DLGAP2: variants seen among roughly 807,000 people sequenced by gnomAD.
The protein encoded by DLGAP2 is DLG associated protein 2.
In DLGAP2, 26 loss-of-function variants were observed where a neutral mutation model predicts 100.3. The observed-to-expected ratio is 0.26, with a 90% confidence interval of 0.19 to 0.36. The LOEUF is 0.36. DLGAP2 is among the 10% of genes least tolerant of loss of function. DLGAP2 has a pLI of 1.00. For missense variants in DLGAP2, 1,858 were observed against 1,453.2 expected, an observed-to-expected ratio of 1.28 and a Z score of -4.53; for synonymous variants, 886 against 630.1, an observed-to-expected ratio of 1.41 and a Z score of -6.08.
Position 1,686,641 on chromosome 8 carries a change from T to C in DLGAP2, c.2705-4894T>C, listed in dbSNP as rs575159518. Among the ~76,000 whole-genome samples, 16 of 151,274 alleles carry C rather than the reference T, an allele frequency of 1.1e-4. No homozygotes were observed. In the East Asian group the frequency reaches 3.1e-3, roughly 30 times the overall value. On this transcript the variant is annotated intron_variant, in intron 12 of 14. Transcript: ENST00000637795. ...GTGAACCAAGATCACGCCACTGCAC[T>C]CCAGCCTGGGCAACAAGAGGGAGAC... is the stretch of plus-strand genomic sequence containing the variant.
intron 3 of DLGAP2, among the ~76,000 whole-genome samples, chr8:1,320,609 A>G (rs1027357568): frequency 6.6e-6 from 1 of 152,142 alleles, no homozygotes; most frequent in Non-Finnish European, 1.5e-5. Context: ...CTTCTCGAAC[A>G]TATTCTAAGT....
chr8:1,447,950 T>A (rs1563155287), intron 3 of DLGAP2, among the ~76,000 whole-genome samples: 1 of 152,242 alleles, frequency 6.6e-6, no homozygotes, highest in African/African-American at 2.4e-5. Context: ...TATCTTTTTT[T>A]ATTGCATCTA....
chr8:1,078,227 C>G (rs2123054), intron 2 of DLGAP2, among the ~76,000 whole-genome samples: 44,073 of 152,072 alleles, frequency 0.29, 6,878 homozygotes, highest in Admixed American at 0.35. Context: ...AGAACAGTGG[C>G]TTGCACTGTT....
At chr8:989,532 C>G (rs993295509) in intron 2 of DLGAP2, among the ~76,000 whole-genome samples, 1 of 152,168 alleles carries the variant, frequency 6.6e-6, no homozygotes, top group Admixed American at 6.5e-5. Flanking sequence ...TTGGTACCAA[C>G]TTTCTCACAT....
intron 3 of DLGAP2, among the ~76,000 whole-genome samples, chr8:1,480,957 G>A (rs1404244388): frequency 6.6e-6 from 1 of 152,074 alleles, no homozygotes. Flanking sequence ...CAGATCACGA[G>A]GTCAGGAGAT....
intron 2 of DLGAP2, among the ~76,000 whole-genome samples, chr8:1,036,075 G>A (rs1223560064): frequency 3.1e-3 from 277 of 89,158 alleles, no homozygotes; most frequent in African/African-American, 0.012. Context: ...CCGCGAGTGG[G>A]TTCACAGCCT....
intron 2 of DLGAP2, among the ~76,000 whole-genome samples, chr8:978,722 AC>A (rs1480622376): frequency 6.6e-6 from 1 of 152,080 alleles, no homozygotes; most frequent in African/African-American, 2.4e-5. Flanking sequence ...GGTCTTTGCC[AC>A]GCGGGCATGT....
intron 2 of DLGAP2, among the ~76,000 whole-genome samples, chr8:958,565 A>G (rs73673033): frequency 0.021 from 3,020 of 146,320 alleles, 110 homozygotes; most frequent in African/African-American, 0.076. Context: ...TAGTTATTGG[A>G]AATTAAACTA....
At chr8:1,463,209 A>G (rs530385678) in intron 3 of DLGAP2, among the ~76,000 whole-genome samples, 5 of 152,322 alleles carry the variant, frequency 3.3e-5, no homozygotes, top group East Asian at 3.9e-4. Flanking sequence ...AGATCATGCC[A>G]TTGCACTCCA....
chr8:1,183,526 G>A (rs12335257), intron 2 of DLGAP2, among the ~76,000 whole-genome samples: 21,166 of 152,162 alleles, frequency 0.14, 1,834 homozygotes, highest in Admixed American at 0.25. Flanking sequence ...TTACTGATTT[G>A]TTAATCACAG....
intron 3 of DLGAP2, among the ~76,000 whole-genome samples, chr8:1,460,629 TG>T (rs1369719876): frequency 6.6e-6 from 1 of 152,232 alleles, no homozygotes; most frequent in Non-Finnish European, 1.5e-5. Flanking sequence ...GATTCTTTTT[TG>T]CAGGAAGACA....
chr8:757,429 AT>A (rs1306042305), intron 1 of DLGAP2, among the ~76,000 whole-genome samples: 1 of 152,192 alleles, frequency 6.6e-6, no homozygotes, highest in Non-Finnish European at 1.5e-5. Flanking sequence ...GACTCGATTC[AT>A]TTAGCACCGT....
intron 2 of DLGAP2, among the ~76,000 whole-genome samples, chr8:1,092,385 A>G (rs970125707): frequency 1.3e-5 from 2 of 152,170 alleles, no homozygotes; most frequent in Admixed American, 6.5e-5. Flanking sequence ...GAGGCCTCTT[A>G]TAGCCTTTGC....
chr8:935,069 G>A (rs899283273), intron 2 of DLGAP2, among the ~76,000 whole-genome samples: 1 of 152,192 alleles, frequency 6.6e-6, no homozygotes, highest in Non-Finnish European at 1.5e-5. Flanking sequence ...ACCGTGTACC[G>A]CGAGCTGTGT....
intron 4 of DLGAP2, among the ~76,000 whole-genome samples, chr8:1,540,986 T>G (rs1009912948): frequency 2.0e-5 from 3 of 152,166 alleles, no homozygotes; most frequent in Non-Finnish European, 2.9e-5. Context: ...GGCCCAGGGA[T>G]CCACAGTTTG....
chr8:1,096,879 A>G (rs1461412169), intron 2 of DLGAP2, among the ~76,000 whole-genome samples: 13 of 134,480 alleles, frequency 9.7e-5, no homozygotes, highest in South Asian at 4.9e-4. Context: ...TGGCATGGAG[A>G]GGTCTCCTCC....
chr8:748,594 C>T (rs1820712586), intron 1 of DLGAP2, among the ~76,000 whole-genome samples: 1 of 152,170 alleles, frequency 6.6e-6, no homozygotes, highest in South Asian at 2.1e-4. Flanking sequence ...TATCATTTAC[C>T]ACGCACTTTA....
At chr8:1,017,532 G>A (rs1584980318) in intron 2 of DLGAP2, among the ~76,000 whole-genome samples, 1 of 112,742 alleles carries the variant, frequency 8.9e-6, no homozygotes, top group South Asian at 2.8e-4. Context: ...TCCACTGTGT[G>A]TGACCAGGAC....
intron 3 of DLGAP2, among the ~76,000 whole-genome samples, chr8:1,309,938 C>G (rs1233386049): frequency 2.0e-5 from 3 of 151,386 alleles, no homozygotes; most frequent in Non-Finnish European, 4.4e-5. Flanking sequence ...TTACTAAAAA[C>G]ACAAAAATTA....
Sources: allele counts gnomAD v4.1 joint callset (sites outside exome capture counted in the v4.1 genomes callset), GRCh38; gene constraint gnomAD v4.1.1; transcripts MANE v1.5; gene names NCBI Gene and HGNC (gene_info 2026-07-23, HGNC 2026-07-21).